LRP6: variants seen among roughly 807,000 people sequenced by gnomAD.
The protein encoded by LRP6 is LDL receptor related protein 6.
A neutral mutation model predicts 184.1 loss-of-function variants in LRP6; 43 were observed. That is an observed-to-expected ratio of 0.23 (90% CI 0.18 to 0.30). The LOEUF is 0.30. Ranked by LOEUF, LRP6 falls within the 10% of genes least tolerant of loss-of-function variation. The pLI, the probability that LRP6 is intolerant of heterozygous loss-of-function variation, is 1.00. For synonymous variants in LRP6, 719 were observed against 684.9 expected, an observed-to-expected ratio of 1.05 and a Z score of -0.78; for missense variants, 1,571 against 2,005.3, an observed-to-expected ratio of 0.78 and a Z score of 4.14.
chr12:12,135,485 T>G (rs1565542782), intron 16 of LRP6, among the ~76,000 whole-genome samples, 185 bp from the exon 17 acceptor site: 1 of 139,828 alleles, frequency 7.2e-6, no homozygotes, highest in South Asian at 2.1e-4. Context: ...TTATCATTAT[T>G]ATTATTATTA....
chr12:12,121,757 T>C (rs77058262), intron 22 of LRP6, among the ~76,000 whole-genome samples: 6,371 of 152,280 alleles, frequency 0.042, 413 homozygotes, highest in African/African-American at 0.14. Flanking sequence ...TGCAGTTTCA[T>C]AGCCCATGGG....
chr12:12,181,671 C>T (rs1262176161), intron 5 of LRP6, among the ~76,000 whole-genome samples: 1 of 152,128 alleles, frequency 6.6e-6, no homozygotes, highest in East Asian at 1.9e-4. Flanking sequence ...GTGATACATT[C>T]TATGGTTTCA....
At chr12:12,230,713 T>C (rs758506087) in intron 2 of LRP6, among the ~76,000 whole-genome samples, 4 of 152,216 alleles carry the variant, frequency 2.6e-5, no homozygotes, top group African/African-American at 4.8e-5. Context: ...TCTGGTAATA[T>C]GGTAAAAAGA....
intron 13 of LRP6, 73 bp downstream of exon 13, chr12:12,150,763 A>T: frequency 6.7e-7 from 1 of 1,500,348 alleles, no homozygotes; most frequent in Non-Finnish European, 9.3e-7. Flanking sequence ...GTCAAGACTT[A>T]AGTGAAACAG....
Position 12,244,734 on chromosome 12 carries a change from T to A in LRP6, c.56-79A>T, listed in dbSNP as rs10219768. On this transcript the variant is annotated intron_variant, in intron 1 of 22. Coordinates refer to ENST00000261349, the MANE Select transcript of LRP6 (RefSeq NM_002336.3). The stretch of plus-strand genomic sequence containing the variant: ...CTTATAAACTGCGTTTCAAATCGGT[T>A]TAAGTGAGCAAAGACTGTCGAAAAT... 0.82 allele frequency: 1,144,973 copies of A among 1,394,606 alleles called. 470,728 individuals are homozygous for A. Among genetic ancestry groups the A allele is most frequent in the East Asian group, 0.86 (35,413 of 41,296 alleles). 86.4% of individuals were successfully genotyped at this position (1,394,606 alleles called of 1,614,324 possible). A position where few individuals can be genotyped will look rare whatever the true frequency, so the allele number is the denominator to read the frequency against.
chr12:12,164,941 A>AAAAAAAAAAAAAAAAAAAAAAAAAAAAC, intron 8 of LRP6, 138 bp downstream of exon 8: 1 of 392,964 alleles, frequency 2.5e-6, no homozygotes, highest in Non-Finnish European at 4.5e-6. Context: ...AAAAAAAAAA[A>AAAAAAAAAAAAAAAAAAAAAAAAAAAAC]AAAAAAAAAA....
chr12:12,134,963 C>CAAAAA (rs1949812527), intron 17 of LRP6, among the ~76,000 whole-genome samples: 9 of 151,978 alleles, frequency 5.9e-5, no homozygotes, highest in Admixed American at 5.9e-4. Flanking sequence ...GTAAAAAAGT[C>CAAAAA]AAAGAAACAG....
In LRP6 at chr12:12,151,050, GAA is replaced by G. The variant is rs1304424793; in HGVS notation, c.2792-14_2792-13del. On this transcript the variant is annotated splice_polypyrimidine_tract_variant and intron_variant, in intron 12 of 22. Transcript: ENST00000261349. ...GAAAGTCGTAGGAGCTTAAAAGGAAGAAAAGAGAAAATCTGAAATCTAGTTAC... is the reference window on the plus strand; with the variant it reads ...GAAAGTCGTAGGAGCTTAAAAGGAAGAAGAGAAAATCTGAAATCTAGTTAC... 6.2e-7 allele frequency: 1 copy of G among 1,607,944 alleles called. No homozygotes were observed. The highest frequency in any genetic ancestry group is 1.3e-5 in the African/African-American group (1 of 74,818).
intron 16 of LRP6, among the ~76,000 whole-genome samples, chr12:12,137,120 G>C (rs1240313834): frequency 6.6e-6 from 1 of 152,068 alleles, no homozygotes; most frequent in African/African-American, 2.4e-5. Context: ...ATGAACACTT[G>C]TACAGGGCTA....
intron 7 of LRP6, among the ~76,000 whole-genome samples, chr12:12,167,310 AT>A (rs1862906495): frequency 6.6e-6 from 1 of 152,128 alleles, no homozygotes; most frequent in Non-Finnish European, 1.5e-5. Context: ...TATAAGCTTT[AT>A]CACTCAGTGG....
intron 2 of LRP6, among the ~76,000 whole-genome samples, chr12:12,239,408 G>A (rs1275638314): frequency 6.6e-6 from 1 of 152,066 alleles, no homozygotes; most frequent in Non-Finnish European, 1.5e-5. Context: ...CCAAGTGGTA[G>A]GACAATGGAA....
intron 2 of LRP6, among the ~76,000 whole-genome samples, chr12:12,218,278 G>A (rs1040916506): frequency 6.6e-6 from 1 of 152,040 alleles, no homozygotes; most frequent in Non-Finnish European, 1.5e-5. Flanking sequence ...TTCAAGACCA[G>A]CCTGGGCAAC....
chr12:12,139,082 C>A, intron 15 of LRP6: 1 of 1,116,898 alleles, frequency 9.0e-7, no homozygotes, highest in Non-Finnish European at 1.2e-6. Flanking sequence ...ATACAGTGGG[C>A]TAAAATCTGT....
chr12:12,170,416 A>G (rs1384587528), intron 7 of LRP6, among the ~76,000 whole-genome samples: 1 of 152,064 alleles, frequency 6.6e-6, no homozygotes, highest in Non-Finnish European at 1.5e-5. Context: ...CTCAACCTGT[A>G]ATCAATATTA....
intron 2 of LRP6, among the ~76,000 whole-genome samples, chr12:12,204,306 G>A (rs1863994213): frequency 1.3e-5 from 2 of 151,148 alleles, no homozygotes; most frequent in Non-Finnish European, 3.0e-5. Context: ...AAAGGAGGGG[G>A]GGGTCAGGAA....
chr12:12,153,817 AT>A (rs1950113897), intron 12 of LRP6, among the ~76,000 whole-genome samples: 2 of 152,280 alleles, frequency 1.3e-5, no homozygotes, highest in African/African-American at 4.8e-5. Flanking sequence ...GGAGGATGAG[AT>A]GTACGTAGGA....
intron 12 of LRP6, among the ~76,000 whole-genome samples, chr12:12,154,271 C>T (rs377152142): frequency 2.3e-4 from 35 of 151,554 alleles, no homozygotes; most frequent in African/African-American, 8.5e-4. Context: ...CTCCCAGTAT[C>T]CGCATAGCTC....
chr12:12,253,133 G>A (rs1029965870), intron 1 of LRP6, among the ~76,000 whole-genome samples: 5 of 152,186 alleles, frequency 3.3e-5, no homozygotes, highest in African/African-American at 4.8e-5. Flanking sequence ...GCGTGGTGGC[G>A]CGTGCCTGTA....
intron 2 of LRP6, among the ~76,000 whole-genome samples, chr12:12,228,089 G>C (rs1230956668): frequency 6.6e-6 from 1 of 152,142 alleles, no homozygotes; most frequent in African/African-American, 2.4e-5. Context: ...AAGAGAGCCT[G>C]GCCAGGTGCA....
Sources: allele counts gnomAD v4.1 joint callset (sites outside exome capture counted in the v4.1 genomes callset), GRCh38; gene constraint gnomAD v4.1.1; transcripts MANE v1.5; gene names NCBI Gene and HGNC (gene_info 2026-07-23, HGNC 2026-07-21).